The following CNTNAP2 variants were observed in gnomAD, a reference collection of about 807,000 sequenced individuals.
The protein encoded by CNTNAP2 is contactin associated protein 2.
In CNTNAP2, 98 loss-of-function variants were observed where a neutral mutation model predicts 155.2. That is an observed-to-expected ratio of 0.63 (90% CI 0.54 to 0.75). The LOEUF (loss-of-function observed/expected upper bound fraction) is 0.75, where lower values mean the gene tolerates loss of function less well. CNTNAP2 is among the 30% of genes least tolerant of loss of function. The pLI, the probability that CNTNAP2 is intolerant of heterozygous loss-of-function variation, is 0.00. For synonymous variants in CNTNAP2, 651 were observed against 631.2 expected, an observed-to-expected ratio of 1.03 and a Z score of -0.47; for missense variants, 1,727 against 1,688.1, an observed-to-expected ratio of 1.02 and a Z score of -0.40.
intron 15 of CNTNAP2, among the ~76,000 whole-genome samples, chr7:148,077,757 A>G (rs1803519128): frequency 6.6e-6 from 1 of 152,232 alleles, no homozygotes; most frequent in Non-Finnish European, 1.5e-5. Flanking sequence ...ATTGGCCTAA[A>G]CTAGAAAATA....
Position 147,687,726 on chromosome 7 carries a change from A to G in CNTNAP2, c.2098+48420A>G, listed in dbSNP as rs541920579. On this transcript the variant is annotated intron_variant, in intron 13 of 23. Transcript: ENST00000361727. ...ACACAAGTAAATAAATGTAATGACC[A>G]ATTATGGGGGAGGAGCAAATTAAGA... Among the ~76,000 whole-genome samples the G allele has an allele frequency of 8.1e-4, 124 of 152,212 alleles. 2 individuals carry two copies. The highest frequency in any genetic ancestry group is 1.3e-3 in the Non-Finnish European group (88 of 68,006).
intron 14 of CNTNAP2, among the ~76,000 whole-genome samples, chr7:147,952,532 C>A (rs547240831): frequency 3.9e-5 from 6 of 152,032 alleles, no homozygotes; most frequent in African/African-American, 1.4e-4. Flanking sequence ...GAACATATTT[C>A]TTTAAGTAAT....
intron 1 of CNTNAP2, among the ~76,000 whole-genome samples, chr7:146,318,113 C>T (rs1425620765): frequency 6.7e-6 from 1 of 148,472 alleles, no homozygotes; most frequent in Non-Finnish European, 1.5e-5. Flanking sequence ...TGCACTCCAG[C>T]TTGAGCAACA....
At chr7:146,685,304 C>T (rs1407317897) in intron 1 of CNTNAP2, among the ~76,000 whole-genome samples, 4 of 152,078 alleles carry the variant, frequency 2.6e-5, no homozygotes, top group South Asian at 2.1e-4. Flanking sequence ...CAACTTGAAA[C>T]ATTCCTATAG....
intron 9 of CNTNAP2, among the ~76,000 whole-genome samples, chr7:147,304,351 A>G (rs1188958171): frequency 6.6e-6 from 1 of 152,212 alleles, no homozygotes; most frequent in Non-Finnish European, 1.5e-5. Flanking sequence ...ATTAATGTTA[A>G]TAATCAAAAG....
intron 13 of CNTNAP2, among the ~76,000 whole-genome samples, chr7:147,766,571 C>T (rs1797387170): frequency 6.6e-6 from 1 of 151,970 alleles, no homozygotes; most frequent in African/African-American, 2.4e-5. Flanking sequence ...CATTTATTGA[C>T]ATCATTGGAA....
intron 13 of CNTNAP2, among the ~76,000 whole-genome samples, chr7:147,677,117 G>A (rs1247933112): frequency 1.3e-5 from 2 of 150,962 alleles, no homozygotes; most frequent in African/African-American, 4.9e-5. Flanking sequence ...ATACTGGCTA[G>A]TTTACATTAT....
chr7:147,469,506 A>ATTTT lies in CNTNAP2; in HGVS notation c.1671-16406_1671-16403dup, dbSNP rs71527812. 5.6e-4 allele frequency among the ~76,000 whole-genome samples: 44 copies of ATTTT among 79,130 alleles called. 5 individuals are homozygous for ATTTT. Among genetic ancestry groups the ATTTT allele is most frequent in the Admixed American group, 2.3e-3 (13 of 5,728 alleles). The allele number at this position is 79,130 out of a possible 152,430, so 51.9% of individuals were successfully genotyped here. On this transcript the variant is annotated intron_variant, in intron 10 of 23. Transcript: ENST00000361727. ...CAGAGCACCAGGATGTCAGGCTGCA[A>ATTTT]TTTTTTTTTTTTTTTTTTTTTTTTT... is the stretch of plus-strand genomic sequence containing the variant.
At chr7:148,340,253 T>C (rs2116579530) in intron 21 of CNTNAP2, among the ~76,000 whole-genome samples, 1 of 152,268 alleles carries the variant, frequency 6.6e-6, no homozygotes, top group South Asian at 2.1e-4. Context: ...ATCTGAAAAG[T>C]ATCACCAAAA....
chr7:146,668,335 A>C (rs1454796739), intron 1 of CNTNAP2, among the ~76,000 whole-genome samples: 1 of 151,458 alleles, frequency 6.6e-6, no homozygotes, highest in African/African-American at 2.4e-5. Flanking sequence ...ATTATGTTGT[A>C]TTATCTTTGT....
intron 21 of CNTNAP2, among the ~76,000 whole-genome samples, chr7:148,355,664 C>T (rs1798501533): frequency 6.6e-6 from 1 of 152,166 alleles, no homozygotes; most frequent in Non-Finnish European, 1.5e-5. Flanking sequence ...GCGGCTGACA[C>T]GTGTGAATCC....
At chr7:147,136,607 T>C (rs1053873233) in intron 8 of CNTNAP2, among the ~76,000 whole-genome samples, 5 of 151,950 alleles carry the variant, frequency 3.3e-5, no homozygotes, top group African/African-American at 1.2e-4. Context: ...TCTGGGCAAA[T>C]GTGTTTGGGA....
chr7:146,255,674 T>C (rs922701573), intron 1 of CNTNAP2, among the ~76,000 whole-genome samples: 3 of 152,158 alleles, frequency 2.0e-5, no homozygotes, highest in Admixed American at 1.3e-4. Flanking sequence ...TGAAAATGGA[T>C]AGTTTACTGT....
In CNTNAP2 at chr7:148,061,872, AACAGAT is replaced by A. The variant is rs1444482604; in HGVS notation, c.2384-56244_2384-56239del. Among the ~76,000 whole-genome samples the A allele has an allele frequency of 3.9e-4, 47 of 119,722 alleles. 2 individuals carry two copies. The highest frequency in any genetic ancestry group is 1.1e-3 in the African/African-American group (33 of 31,142). 78.5% of individuals were successfully genotyped at this position (119,722 alleles called of 152,430 possible). ...ATAAATAGATATAGATAGATAGATAAACAGATATAGATAGATAGATAGATAGATAGA... is the reference window on the plus strand; with the variant it reads ...ATAAATAGATATAGATAGATAGATAAATAGATAGATAGATAGATAGATAGA... On this transcript the variant is annotated intron_variant, in intron 15 of 23. Coordinates refer to ENST00000361727, the MANE Select transcript of CNTNAP2 (RefSeq NM_014141.6).
At chr7:147,244,966 G>A (rs975021168) in intron 8 of CNTNAP2, among the ~76,000 whole-genome samples, 14 of 152,238 alleles carry the variant, frequency 9.2e-5, no homozygotes, top group South Asian at 2.1e-4. Flanking sequence ...AGTGACCTCA[G>A]TGTAGAAAAC....
At chr7:147,464,833 C>T (rs1049251328) in intron 10 of CNTNAP2, among the ~76,000 whole-genome samples, 1 of 152,142 alleles carries the variant, frequency 6.6e-6, no homozygotes, top group Admixed American at 6.5e-5. Flanking sequence ...GATCTTCAAC[C>T]ATATTCATAG....
At chr7:147,894,925 C>T (rs1585015003) in intron 13 of CNTNAP2, among the ~76,000 whole-genome samples, 1 of 131,930 alleles carries the variant, frequency 7.6e-6, no homozygotes, top group East Asian at 2.2e-4. Context: ...TAACAGAAAT[C>T]TATTGGTTTC....
At chr7:146,729,986 A>G (rs1002276524) in intron 1 of CNTNAP2, among the ~76,000 whole-genome samples, 1 of 152,284 alleles carries the variant, frequency 6.6e-6, no homozygotes, top group Admixed American at 6.5e-5. Flanking sequence ...ATCCCCAGTC[A>G]CAAAAGAATG....
chr7:147,069,362 A>C (rs779787596), intron 4 of CNTNAP2, among the ~76,000 whole-genome samples: 1 of 152,204 alleles, frequency 6.6e-6, no homozygotes, highest in Non-Finnish European at 1.5e-5. Flanking sequence ...CATAACCATA[A>C]TCAGAAAAGA....
Sources: gnomAD v4.1 joint callset for allele counts (sites outside exome capture counted in the v4.1 genomes callset) on GRCh38, gnomAD v4.1.1 for gene constraint, MANE v1.5 for transcripts, NCBI Gene and HGNC (gene_info 2026-07-23, HGNC 2026-07-21) for gene names.